The following CACNA1A variants were observed in gnomAD, a reference collection of about 807,000 sequenced individuals.
CACNA1A encodes the protein calcium voltage-gated channel subunit alpha1 A, also known as voltage-dependent P/Q-type calcium channel subunit alpha-1A.
In CACNA1A, 57 loss-of-function variants were observed where a neutral mutation model predicts 262.4. The observed-to-expected ratio is 0.22, with a 90% CI of 0.18 to 0.27. The LOEUF (loss-of-function observed/expected upper bound fraction) is 0.27. CACNA1A is among the 10% of genes least tolerant of loss of function. The pLI, the probability that CACNA1A is intolerant of heterozygous loss-of-function variation, is 1.00. For synonymous variants in CACNA1A, 1,431 were observed against 1,419.3 expected (o/e 1.01, Z -0.18); for missense variants, 2,526 against 3,562.8 (o/e 0.71, Z 7.41).
chr19:13,265,744 T>C (rs1334065172), intron 24 of CACNA1A, among the ~76,000 whole-genome samples: 4 of 152,188 alleles, frequency 2.6e-5, no homozygotes, highest in Non-Finnish European at 5.9e-5. Context: ...CTCAGGTAGA[T>C]GCTAATAGGC....
At chr19:13,215,644 G>GTT (rs1369957739) in intron 38 of CACNA1A, among the ~76,000 whole-genome samples, 3 of 144,860 alleles carry the variant, frequency 2.1e-5, no homozygotes, top group Non-Finnish European at 4.5e-5. Context: ...TTTTGACAGA[G>GTT]TCTCTCTCTG....
At chr19:13,365,257 C>T in intron 5 of CACNA1A, 60 bp downstream of exon 5, 2 of 1,494,052 alleles carry the variant, frequency 1.3e-6, no homozygotes, top group Non-Finnish European at 1.8e-6. Context: ...GCCTAATCCT[C>T]CCAAGAGCTT....
intron 40 of CACNA1A, among the ~76,000 whole-genome samples, chr19:13,213,434 C>T (rs2054889640): frequency 6.6e-6 from 1 of 152,302 alleles, no homozygotes; most frequent in Non-Finnish European, 1.5e-5. Context: ...TTCTTCTCCA[C>T]TTTCCCCCAC....
rs121908242 is a variant in CACNA1A, at chr19:13,298,946, G to A, written c.2687C>T (p.Pro896Leu). The change falls in exon 19 of 47, where the codon CCC becomes CTC. Residue 896 changes from proline (P) to leucine (L), a missense_variant. Coordinates refer to ENST00000360228, the MANE Select transcript of CACNA1A (RefSeq NM_001127222.2). ...SQEAELSREG[P>L]YGRESDHHAR... is the part of the protein sequence containing the mutation. ...GTGGTGGTCCGACTCGCGGCCGTAG[G>A]GTCCCTCCCGGCTCAGCTCGGCCTC... The A allele has an allele frequency of 8.2e-6, 13 of 1,591,318 alleles. No homozygotes were observed. The Admixed American group carries it at 2.2e-4, about 27-fold the overall frequency.
At chr19:13,271,952 C>A (rs1031312356) in intron 24 of CACNA1A, 1 of 151,830 alleles carries the variant, frequency 6.6e-6, no homozygotes, top group African/African-American at 2.4e-5. Flanking sequence ...TTAGTAGAGA[C>A]AGGGTTTTAC....
chr19:13,376,891 TTA>T (rs34783568), intron 3 of CACNA1A, among the ~76,000 whole-genome samples: 32,735 of 146,476 alleles, frequency 0.22, 4,534 homozygotes, highest in Non-Finnish European at 0.31. Flanking sequence ...ATGATATATG[TTA>T]TATGTGATAT....
intron 7 of CACNA1A, 81 bp from the exon 8 acceptor site, chr19:13,334,574 T>C: frequency 1.5e-6 from 1 of 663,720 alleles, no homozygotes; most frequent in African/African-American, 2.0e-5. Flanking sequence ...TGTGTGTGTG[T>C]GTGTGTGTGT....
At chr19:13,420,800 C>T (rs2060304798) in intron 3 of CACNA1A, among the ~76,000 whole-genome samples, 1 of 152,104 alleles carries the variant, frequency 6.6e-6, no homozygotes, top group Admixed American at 6.5e-5. Flanking sequence ...TTTAATACTT[C>T]AGTTAATTCT....
chr19:13,303,237 C>G (rs141384531), intron 17 of CACNA1A, among the ~76,000 whole-genome samples: 331 of 152,268 alleles, frequency 2.2e-3, no homozygotes, highest in African/African-American at 6.9e-3. Flanking sequence ...GGGGCTACAC[C>G]ATTCCTTGGA....
intron 3 of CACNA1A, among the ~76,000 whole-genome samples, chr19:13,408,010 G>T (rs544955202): frequency 6.6e-6 from 1 of 152,108 alleles, no homozygotes; most frequent in South Asian, 2.1e-4. Context: ...GTGAAGATGT[G>T]CTTGTTTCCC....
intron 3 of CACNA1A, among the ~76,000 whole-genome samples, chr19:13,443,611 T>C (rs2060762167): frequency 6.6e-6 from 1 of 152,340 alleles, no homozygotes; most frequent in Admixed American, 6.5e-5. Flanking sequence ...CCTCCTAAAG[T>C]GCTGAGATTA....
intron 3 of CACNA1A, among the ~76,000 whole-genome samples, chr19:13,396,782 A>C (rs2059818669): frequency 1.3e-5 from 2 of 152,164 alleles, no homozygotes; most frequent in South Asian, 4.1e-4. Context: ...TGTGCCCTCG[A>C]GGCGGACCCT....
Position 13,236,083 on chromosome 19 carries a change from G to A in CACNA1A, c.4951-353C>T, listed in dbSNP as rs1286965818. 2.6e-5 allele frequency among the ~76,000 whole-genome samples: 4 copies of A among 151,832 alleles called. No individual in the cohort carries two copies. Among genetic ancestry groups the A allele is most frequent in the African/African-American group, 7.3e-5 (3 of 41,298 alleles). On this transcript the variant is annotated intron_variant, in intron 31 of 46. Transcript: ENST00000360228. This position sits in a 1 kb window ranked among gnomAD's most constrained non-coding sequence, Gnocchi z 4.6. ...AGAACAAGAAAAAGAAAATATATCC[G>A]AATCATCCAATCAGGAAAAAAATCG...
chr19:13,499,908 G>A lies in CACNA1A; in HGVS notation c.293+6024C>T, dbSNP rs980545473. ...TCTGGATGGAGTCCACCTTCCCGGC[G>A]GTGCTTTTTATTGCTGAGAAAGTGT... On this transcript the variant is annotated intron_variant, in intron 1 of 46. Transcript: ENST00000360228. Among the ~76,000 whole-genome samples, 8 of 151,992 alleles carry A rather than the reference G, an allele frequency of 5.3e-5. No homozygotes were observed. In the South Asian group the frequency reaches 6.2e-4, roughly 12 times the overall value.
chr19:13,415,245 G>A (rs1259917185), intron 3 of CACNA1A, among the ~76,000 whole-genome samples: 1 of 151,912 alleles, frequency 6.6e-6, no homozygotes, highest in Admixed American at 6.6e-5. Flanking sequence ...GCGGAATAGA[G>A]GCAGGTGGTG....
intron 37 of CACNA1A, chr19:13,227,165 T>A: frequency 1.8e-5 from 4 of 220,316 alleles, no homozygotes; most frequent in Non-Finnish European, 3.6e-5. Context: ...CCCCTCCCCC[T>A]CCCCCCGGCA....
At chr19:13,430,364 G>A (rs1039905526) in intron 3 of CACNA1A, among the ~76,000 whole-genome samples, 1 of 151,986 alleles carries the variant, frequency 6.6e-6, no homozygotes, top group African/African-American at 2.4e-5. Flanking sequence ...GCAATGCCAC[G>A]CCCAGCTAAT....
Position 13,257,566 on chromosome 19 carries a change from G to A in CACNA1A, c.4389-15C>T, listed in dbSNP as rs1356998435. 9 of 1,552,058 alleles carry A rather than the reference G, an allele frequency of 5.8e-6. No homozygotes were observed. Among genetic ancestry groups the A allele is most frequent in the Non-Finnish European group, 1.7e-6 (2 of 1,143,530 alleles). On this transcript the variant is annotated splice_polypyrimidine_tract_variant and intron_variant, in intron 27 of 46. Transcript: ENST00000360228. ...GCTTGAGGACCCTGCAAGGAATGGG[G>A]CAGGGAGAGGGAAGGGGCAGGAAGG...
At chr19:13,306,370 T>A (rs1354495549) in intron 15 of CACNA1A, among the ~76,000 whole-genome samples, 2 of 151,904 alleles carry the variant, frequency 1.3e-5, no homozygotes, top group African/African-American at 4.8e-5. Context: ...GTATTAGCCA[T>A]TTTTTTTCTC....
Sources: gnomAD v4.1 joint callset for allele counts (sites outside exome capture counted in the v4.1 genomes callset) on GRCh38, gnomAD v4.1.1 for gene constraint, Gnocchi (gnomAD v3.1) non-coding constraint, MANE v1.5 for transcripts, NCBI Gene and HGNC (gene_info 2026-07-23, HGNC 2026-07-21) for gene names.